The following TM6SF1 variants were observed in gnomAD, a reference collection of about 807,000 sequenced individuals.
TM6SF1 encodes the protein transmembrane 6 superfamily member 1.
TM6SF1 carries 43 observed loss-of-function variants against 47.1 expected under a neutral mutation model. That is an observed-to-expected ratio of 0.91 (90% CI 0.72 to 1.18). The LOEUF (loss-of-function observed/expected upper bound fraction) is 1.18, where lower values mean the gene tolerates loss of function less well. TM6SF1 is among the 50% of genes most tolerant of loss of function. The pLI, the probability that TM6SF1 is intolerant of heterozygous loss-of-function variation, is 0.00. For missense variants in TM6SF1, 390 were observed against 449.0 expected, an observed-to-expected ratio of 0.87 and a Z score of 1.19; for synonymous variants, 177 against 166.3, an observed-to-expected ratio of 1.06 and a Z score of -0.49.
At chr15:83,130,759 G>A (rs1014558505) in intron 9 of TM6SF1, 4 of 152,170 alleles carry the variant, frequency 2.6e-5, no homozygotes, top group African/African-American at 7.2e-5. Context: ...ATGAAATGGA[G>A]TCTCATCTTA....
intron 4 of TM6SF1, among the ~76,000 whole-genome samples, chr15:83,121,416 GTA>G (rs1017212202): frequency 6.6e-6 from 1 of 152,058 alleles, no homozygotes; most frequent in Non-Finnish European, 1.5e-5. Context: ...AAGATTTGGG[GTA>G]TATGTCTAGC....
At chr15:83,109,358 G>A (rs1400864928) in intron 1 of TM6SF1, among the ~76,000 whole-genome samples, 1 of 152,182 alleles carries the variant, frequency 6.6e-6, no homozygotes, top group Non-Finnish European at 1.5e-5. Flanking sequence ...TGGCAGCAGA[G>A]GATTTGAGGA....
At chr15:83,113,236 G>T in intron 2 of TM6SF1, 1 of 391,704 alleles carries the variant, frequency 2.6e-6, no homozygotes, top group South Asian at 2.6e-5. Context: ...GCTACTAGCA[G>T]TCCCCCCCAC....
intron 7 of TM6SF1, among the ~76,000 whole-genome samples, chr15:83,126,339 A>G (rs989556581): frequency 3.9e-5 from 6 of 152,172 alleles, no homozygotes; most frequent in African/African-American, 1.4e-4. Flanking sequence ...GATGCACTGG[A>G]GACAGGAAGG....
chr15:83,116,049 G>C, intron 3 of TM6SF1, 107 bp downstream of exon 3: 1 of 851,168 alleles, frequency 1.2e-6, no homozygotes, highest in South Asian at 1.6e-5. Context: ...GGTACGCTAC[G>C]CAGGCTTTCA....
chr15:83,126,041 G>T (rs987031785), intron 7 of TM6SF1, among the ~76,000 whole-genome samples: 3 of 152,158 alleles, frequency 2.0e-5, no homozygotes, highest in East Asian at 3.8e-4. Context: ...ATTCTTGCAC[G>T]GCCATATCCC....
chr15:83,107,766 A>G lies in TM6SF1; in HGVS notation c.86A>G (p.Gln29Arg), dbSNP rs765069632. Residue 29 changes from glutamine (Q) to arginine (R), a missense_variant, in exon 1 of 10, where the codon CAG (glutamine) becomes CGG (arginine). Transcript: ENST00000322019. This position sits in a 1 kb window ranked among gnomAD's most constrained non-coding sequence, Gnocchi z 5.6. Reference sequence around the variant, plus strand: ...TATGTCTTCAACCACCTGGCGGCCCAGCATGAGTGAGTGAGCCGGCGCGGC... The same window carrying G: ...TATGTCTTCAACCACCTGGCGGCCCGGCATGAGTGAGTGAGCCGGCGCGGC... ...VTYVFNHLAAQHDSWTIVGVA... is the reference protein window; with the variant it reads ...VTYVFNHLAARHDSWTIVGVA... 2 of 1,580,838 alleles carry G rather than the reference A, an allele frequency of 1.3e-6. No homozygotes were observed. The highest frequency in any genetic ancestry group is 1.8e-5 in the Admixed American group (1 of 56,220).
intron 1 of TM6SF1, among the ~76,000 whole-genome samples, chr15:83,110,327 G>A (rs959696937): frequency 1.3e-5 from 2 of 152,100 alleles, no homozygotes; most frequent in Admixed American, 6.5e-5. Flanking sequence ...GGGGTTAGTC[G>A]CAGCCCTTAC....
Position 83,119,656 on chromosome 15 carries a change from G to C in TM6SF1, c.373G>C (p.Val125Leu). The C allele has an allele frequency of 1.2e-6, 2 of 1,614,194 alleles. No homozygotes were observed. Among genetic ancestry groups the C allele is most frequent in the Non-Finnish European group, 1.7e-6 (2 of 1,180,016 alleles). The change falls in exon 4 of 10, where the codon GTG (valine) becomes CTG (leucine). Residue 125 changes from valine to leucine, a missense_variant. By Grantham distance (32) the Val-to-Leu change is conservative (BLOSUM62 1). Transcript: ENST00000322019. ...DGSAHYLMYLVMVAAIAWEET... is the reference protein window; with the variant it reads ...DGSAHYLMYLLMVAAIAWEET... ...CTCTGCTCATTATCTGATGTACCTG[G>C]TGATGGTGGCAGCCATAGCATGGGA...
intron 6 of TM6SF1, among the ~76,000 whole-genome samples, chr15:83,123,303 C>T (rs759195054): frequency 8.5e-5 from 13 of 152,154 alleles, no homozygotes; most frequent in Non-Finnish European, 1.5e-5. Flanking sequence ...GTAGTCTACA[C>T]AGCCATACAA....
intron 9 of TM6SF1, chr15:83,131,077 G>C (rs1400769417): frequency 6.6e-6 from 1 of 152,068 alleles, no homozygotes; most frequent in East Asian, 1.9e-4. Context: ...AGGTGACAGA[G>C]AGAGACCCTG....
Position 83,126,865 on chromosome 15 carries a change from C to T in TM6SF1, c.801+18C>T. 1.9e-6 allele frequency: 3 copies of T among 1,578,178 alleles called. No individual in the cohort carries two copies. The highest frequency in any genetic ancestry group is 2.6e-6 in the Non-Finnish European group (3 of 1,156,526). On this transcript the variant is annotated intron_variant, in intron 8 of 9. Coordinates refer to ENST00000322019, the MANE Select transcript of TM6SF1 (RefSeq NM_023003.5). ...AAATTCAGGTCAAGTAGTTATGAAGCCTAAGATTTTTCTAAAATTAATTTT... is the reference window on the plus strand; with the variant it reads ...AAATTCAGGTCAAGTAGTTATGAAGTCTAAGATTTTTCTAAAATTAATTTT...
At chr15:83,120,587 CTTTTTTT>C (rs993490763) in intron 4 of TM6SF1, among the ~76,000 whole-genome samples, 1 of 125,958 alleles carries the variant, frequency 7.9e-6, no homozygotes, top group Admixed American at 8.2e-5. Context: ...CCAGCTAATT[CTTTTTTT>C]TTTTTTTTTT....
intron 8 of TM6SF1, among the ~76,000 whole-genome samples, chr15:83,127,143 G>A (rs1054389280): frequency 2.6e-5 from 4 of 151,246 alleles, no homozygotes; most frequent in Admixed American, 2.6e-4. Flanking sequence ...GCAGTGAGCC[G>A]AGATTGCGCC....
chr15:83,127,364 G>A lies in TM6SF1; in HGVS notation c.808G>A (p.Ala270Thr). ...ATTTCTCTGTTCAATACAGATGCTG[G>A]CATATATGTTCTATTCTGTTCCTTA... ...PAAYPKIQML[A>T]YMFYSVPYFV... Residue 270 changes from alanine to threonine, a missense_variant, in exon 9 of 10, where the codon GCA becomes ACA. Transcript: ENST00000322019. 6.2e-7 allele frequency: 1 copy of A among 1,612,254 alleles called. No homozygotes were observed. The highest frequency in any genetic ancestry group is 8.5e-7 in the Non-Finnish European group (1 of 1,179,346).
In TM6SF1 at chr15:83,122,758, G is replaced by C. The variant is rs1202992825; in HGVS notation, c.483G>C (p.Gly161=). ...VVVFVPGNIV[G]KYGTRICPAF... is the part of the protein sequence containing the mutation. ...TTTCTCTTTCTCTCTTTTAAATAGG[G>C]AAGTATGGAACACGAATTTGCCCTG... Residue 161 remains glycine, a splice_region_variant and synonymous_variant, in exon 6 of 10, where the codon GGG becomes GGC. Coordinates refer to ENST00000322019, the MANE Select transcript of TM6SF1 (RefSeq NM_023003.5). 2 of 1,613,490 alleles carry C rather than the reference G, an allele frequency of 1.2e-6. No homozygotes were observed. Among genetic ancestry groups the C allele is most frequent in the Non-Finnish European group, 1.7e-6 (2 of 1,179,868 alleles).
chr15:83,119,748 C>T (rs2035047608), intron 4 of TM6SF1, 67 bp downstream of exon 4: 19 of 1,604,774 alleles, frequency 1.2e-5, no homozygotes, highest in Non-Finnish European at 1.4e-5. Flanking sequence ...TGTAAGGAAA[C>T]GTTATGCATA....
rs947792112 is a variant in TM6SF1, at chr15:83,136,470, A to G, written c.922-11A>G. The G allele has an allele frequency of 1.3e-6, 2 of 1,548,070 alleles. No individual in the cohort carries two copies. The highest frequency in any genetic ancestry group is 1.7e-6 in the Non-Finnish European group (2 of 1,151,992). On this transcript the variant is annotated splice_polypyrimidine_tract_variant and intron_variant, in intron 9 of 9. Transcript: ENST00000322019. Reference sequence around the variant, plus strand: ...CATGCTTACTCAATTTTTTTTTTTTAAATGCAACAGGCTCAGTTTTCTCAC... The same window carrying G: ...CATGCTTACTCAATTTTTTTTTTTTGAATGCAACAGGCTCAGTTTTCTCAC...
At chr15:83,136,439 A>G (rs1179309740) in intron 9 of TM6SF1, 42 bp from the exon 10 acceptor site, 9 of 1,521,048 alleles carry the variant, frequency 5.9e-6, no homozygotes, top group Non-Finnish European at 7.9e-6. Context: ...CCAACTGAAC[A>G]CGTTTCATGC....
Sources: gnomAD v4.1 joint callset for allele counts (sites outside exome capture counted in the v4.1 genomes callset) on GRCh38, gnomAD v4.1.1 for gene constraint, Gnocchi (gnomAD v3.1) non-coding constraint, MANE v1.5 for transcripts, NCBI Gene and HGNC (gene_info 2026-07-23, HGNC 2026-07-21) for gene names.